Variants in UVRAG observed in about 807,000 individuals in gnomAD.
UVRAG encodes the protein UV radiation resistance associated, also known as UV radiation resistance-associated gene protein.
In UVRAG, 19 loss-of-function variants were observed where a neutral mutation model predicts 78.0. That is an observed-to-expected ratio of 0.24 (90% CI 0.17 to 0.36). The LOEUF is 0.36. Among genes scored for constraint, UVRAG ranks in the 10% least tolerant of loss-of-function variants. The pLI is 1.00. For synonymous variants in UVRAG, 323 were observed against 324.6 expected (o/e 1.00, Z 0.05); for missense variants, 740 against 853.8 (o/e 0.87, Z 1.66).
At chr11:75,826,431 A>G (rs1716739823) in intron 1 of UVRAG, among the ~76,000 whole-genome samples, 1 of 152,258 alleles carries the variant, frequency 6.6e-6, no homozygotes, top group Admixed American at 6.5e-5. Flanking sequence ...CTGGGATTAC[A>G]GGCGTGAGCC....
Position 75,866,808 on chromosome 11 carries a change from T to C in UVRAG, c.270+5028T>C, listed in dbSNP as rs542520976. Among the ~76,000 whole-genome samples, 5 of 152,326 alleles carry C rather than the reference T, an allele frequency of 3.3e-5. No homozygotes were observed. In the East Asian group the frequency reaches 7.7e-4, roughly 23 times the overall value. On this transcript the variant is annotated intron_variant, in intron 3 of 14. Transcript: ENST00000356136. ...TGTCATATATGTATGTATCCAAATC[T>C]AAGTTTCTGGCTGTAAGACTCACTG...
intron 7 of UVRAG, among the ~76,000 whole-genome samples, chr11:75,980,522 A>G (rs767685200): frequency 2.3e-4 from 35 of 152,126 alleles, no homozygotes; most frequent in Admixed American, 5.2e-4. Context: ...CTTTCAAAGA[A>G]TTGGTTTATA....
chr11:75,949,473 C>T (rs1948642644), intron 6 of UVRAG, among the ~76,000 whole-genome samples: 2 of 152,026 alleles, frequency 1.3e-5, no homozygotes, highest in Non-Finnish European at 2.9e-5. Flanking sequence ...AGATCTGTCT[C>T]CTGAGCAACA....
At chr11:75,963,416 C>G (rs1948947789) in intron 7 of UVRAG, among the ~76,000 whole-genome samples, 1 of 152,152 alleles carries the variant, frequency 6.6e-6, no homozygotes, top group Non-Finnish European at 1.5e-5. Context: ...TTACTTGTTT[C>G]CTTTTAGAGA....
intron 14 of UVRAG, among the ~76,000 whole-genome samples, chr11:76,139,253 G>C (rs1046578453): frequency 6.6e-6 from 1 of 152,222 alleles, no homozygotes; most frequent in African/African-American, 2.4e-5. Flanking sequence ...AGAGCAGGGA[G>C]CTGGGGCCAG....
chr11:76,007,382 T>TA (rs1400740457), intron 9 of UVRAG, 152 bp from the exon 10 acceptor site: 2 of 615,902 alleles, frequency 3.2e-6, no homozygotes, highest in African/African-American at 1.8e-5. Context: ...GGTCAAGACT[T>TA]ACGGTAACTA....
intron 14 of UVRAG, among the ~76,000 whole-genome samples, chr11:76,139,714 T>TA (rs907568403): frequency 6.6e-6 from 1 of 152,336 alleles, no homozygotes; most frequent in African/African-American, 2.4e-5. Context: ...AGGATGTAGA[T>TA]ACTCTATTTC....
rs78477436 is a variant in UVRAG at position 76,141,653 on chromosome 11, T to C, written c.*240T>C. ...GATGATTTTAAAGCAAAAATCACCC[T>C]CTAGTTGAAAGAGCTTACAGCTCGA... On this transcript the variant is annotated 3_prime_UTR_variant, in exon 15 of 15. Coordinates refer to ENST00000356136, the MANE Select transcript of UVRAG (RefSeq NM_003369.4). 1,407 of 534,784 alleles carry C rather than the reference T, an allele frequency of 2.6e-3. 29 individuals carry two copies. Among genetic ancestry groups the C allele is most frequent in the African/African-American group, 0.025 (1,309 of 52,854 alleles). The allele number at this position is 534,784 out of a possible 1,614,324, so 33.1% of individuals were successfully genotyped here. A position where few individuals can be genotyped will look rare whatever the true frequency, so the allele number is the denominator to read the frequency against.
intron 3 of UVRAG, among the ~76,000 whole-genome samples, chr11:75,863,781 C>T (rs1405914198): frequency 6.6e-6 from 1 of 152,106 alleles, no homozygotes; most frequent in Admixed American, 6.6e-5. Context: ...CTTGTAGGTC[C>T]CTTTCAACTC....
At chr11:75,924,294 T>C (rs893620418) in intron 6 of UVRAG, among the ~76,000 whole-genome samples, 20 of 152,108 alleles carry the variant, frequency 1.3e-4, no homozygotes, top group African/African-American at 4.3e-4. Context: ...GCCACAGTTA[T>C]AGTATATTTT....
intron 13 of UVRAG, among the ~76,000 whole-genome samples, chr11:76,092,501 T>G (rs1951718434): frequency 6.6e-6 from 1 of 152,228 alleles, no homozygotes; most frequent in South Asian, 2.1e-4. Flanking sequence ...CAGCACCTGT[T>G]GTTTCCTGAC....
chr11:75,955,528 G>A (rs1384723654), intron 6 of UVRAG, among the ~76,000 whole-genome samples: 1 of 152,096 alleles, frequency 6.6e-6, no homozygotes, highest in Non-Finnish European at 1.5e-5. Context: ...TTTAAAAACC[G>A]AGGTAAAATT....
intron 3 of UVRAG, among the ~76,000 whole-genome samples, chr11:75,871,283 T>C (rs1342824317): frequency 1.6e-5 from 2 of 122,150 alleles, no homozygotes; most frequent in African/African-American, 3.2e-5. Context: ...GCATATGCCC[T>C]TTTTTTTTTT....
At chr11:76,067,529 G>A (rs1361444714) in intron 13 of UVRAG, among the ~76,000 whole-genome samples, 1 of 151,982 alleles carries the variant, frequency 6.6e-6, no homozygotes, top group Non-Finnish European at 1.5e-5. Flanking sequence ...GGCCGAGATG[G>A]GTGGATCGCT....
intron 5 of UVRAG, among the ~76,000 whole-genome samples, chr11:75,909,631 G>T (rs1947691090): frequency 6.6e-6 from 1 of 152,120 alleles, no homozygotes; most frequent in South Asian, 2.1e-4. Context: ...TTCACAGATT[G>T]CATCTTTATA....
At chr11:75,876,473 C>A (rs149675422) in intron 3 of UVRAG, among the ~76,000 whole-genome samples, 27 of 152,136 alleles carry the variant, frequency 1.8e-4, no homozygotes, top group Admixed American at 9.2e-4. Flanking sequence ...TGAAACTCTG[C>A]CCCTATTTAG....
chr11:75,853,829 G>A (rs1182615151), intron 2 of UVRAG, among the ~76,000 whole-genome samples: 2 of 151,786 alleles, frequency 1.3e-5, no homozygotes, highest in East Asian at 3.9e-4. Flanking sequence ...CTGGTGTGCA[G>A]TGGTGCAATC....
intron 4 of UVRAG, among the ~76,000 whole-genome samples, chr11:75,887,727 A>C (rs1003255660): frequency 2.0e-5 from 3 of 151,374 alleles, no homozygotes. Context: ...GATTATAGGC[A>C]TGAGCCACTG....
intron 7 of UVRAG, among the ~76,000 whole-genome samples, chr11:75,967,413 A>G (rs1197238365): frequency 1.3e-5 from 2 of 152,052 alleles, no homozygotes; most frequent in African/African-American, 4.8e-5. Context: ...GTGTAGGTCC[A>G]GTAGAAACAA....
Sources: gnomAD v4.1 joint callset for allele counts (sites outside exome capture counted in the v4.1 genomes callset) on GRCh38, gnomAD v4.1.1 for gene constraint, MANE v1.5 for transcripts, NCBI Gene and HGNC (gene_info 2026-07-23, HGNC 2026-07-21) for gene names.